PLSCR2: variants seen among roughly 807,000 people sequenced by gnomAD.
PLSCR2 encodes the protein PL scramblase 2.
PLSCR2 carries 18 observed loss-of-function variants against 25.3 expected under a neutral mutation model. The ratio of observed to expected loss-of-function variants is 0.71; its 90% CI spans 0.49 to 1.06. The LOEUF (loss-of-function observed/expected upper bound fraction) is 1.06, where lower values mean the gene tolerates loss of function less well. Among genes scored for constraint, PLSCR2 ranks in the 50% least tolerant of loss-of-function variants. The pLI is 0.00. For missense variants in PLSCR2, 243 were observed against 269.5 expected, an observed-to-expected ratio of 0.90 and a Z score of 0.69; for synonymous variants, 88 against 87.3, an observed-to-expected ratio of 1.01 and a Z score of -0.04.
intron 1 of PLSCR2, among the ~76,000 whole-genome samples, chr3:146,471,153 T>A (rs1655997111): frequency 6.6e-6 from 1 of 152,200 alleles, no homozygotes; most frequent in South Asian, 2.1e-4. Context: ...CAGAACTGTG[T>A]CATTGATCTA....
intron 2 of PLSCR2, among the ~76,000 whole-genome samples, chr3:146,413,337 C>T (rs1476472490): frequency 6.6e-6 from 1 of 152,160 alleles, no homozygotes; most frequent in East Asian, 1.9e-4. Context: ...TTCTCCTAAA[C>T]ATACCTTTTT....
chr3:146,409,394 G>A (rs542212484), intron 2 of PLSCR2, among the ~76,000 whole-genome samples: 2 of 152,270 alleles, frequency 1.3e-5, no homozygotes, highest in South Asian at 2.1e-4. Context: ...GAGCGAGCCG[G>A]CTGAGGGTAG....
At chr3:146,470,657 C>T (rs1033367300) in intron 1 of PLSCR2, among the ~76,000 whole-genome samples, 7 of 151,844 alleles carry the variant, frequency 4.6e-5, no homozygotes, top group Non-Finnish European at 7.4e-5. Context: ...ACCCTGCTAA[C>T]CAAGGTTGAC....
At chr3:146,392,232 G>A (rs1166408728) in intron 3 of PLSCR2, among the ~76,000 whole-genome samples, 1 of 151,948 alleles carries the variant, frequency 6.6e-6, no homozygotes, top group Non-Finnish European at 1.5e-5. Context: ...TTATTTGTCT[G>A]CATCTGAAAG....
chr3:146,483,625 G>T (rs1392563627), intron 1 of PLSCR2, among the ~76,000 whole-genome samples: 1 of 150,700 alleles, frequency 6.6e-6, no homozygotes, highest in African/African-American at 2.5e-5. Flanking sequence ...ATGTATCTAA[G>T]TGAGGGAGGA....
At chr3:146,487,033 T>C (rs965885740) in intron 1 of PLSCR2, among the ~76,000 whole-genome samples, 2 of 152,138 alleles carry the variant, frequency 1.3e-5, no homozygotes, top group Non-Finnish European at 2.9e-5. Flanking sequence ...ATAAACATAA[T>C]TCATCACATA....
At chr3:146,468,306 C>T (rs375437266) in intron 1 of PLSCR2, among the ~76,000 whole-genome samples, 19 of 152,302 alleles carry the variant, frequency 1.2e-4, no homozygotes, top group African/African-American at 4.6e-4. Context: ...GAAAGGTTTG[C>T]TCTTAGGAAA....
At chr3:146,460,159 T>C (rs1471517635) in intron 1 of PLSCR2, 76 bp from the exon 2 acceptor site, 1 of 1,379,960 alleles carries the variant, frequency 7.2e-7, no homozygotes, top group Non-Finnish European at 9.6e-7. Context: ...ACCCCAGTTA[T>C]CTACAAACTG....
intron 2 of PLSCR2, among the ~76,000 whole-genome samples, chr3:146,416,258 G>T (rs116471112): frequency 0.041 from 6,232 of 152,022 alleles, 176 homozygotes; most frequent in Admixed American, 0.087. Flanking sequence ...CCAAAAGTAG[G>T]CATTTGTTTT....
upstream of PLSCR2, chr3:146,461,853 G>T: frequency 9.0e-7 from 1 of 1,106,338 alleles, no homozygotes; most frequent in Non-Finnish European, 1.3e-6. Flanking sequence ...TTAAGCAGAA[G>T]AGTGAGTTCC....
intron 2 of PLSCR2, among the ~76,000 whole-genome samples, chr3:146,422,646 T>C (rs1016609383): frequency 6.6e-6 from 1 of 152,124 alleles, no homozygotes; most frequent in African/African-American, 2.4e-5. Flanking sequence ...TGGTTCTGAC[T>C]TGAGCCAACA....
downstream of PLSCR2, among the ~76,000 whole-genome samples, chr3:146,432,999 T>G (rs923976750): frequency 2.6e-5 from 4 of 152,216 alleles, no homozygotes; most frequent in African/African-American, 9.6e-5. Flanking sequence ...TTATTGTGCA[T>G]GAATTGAAAT....
intron 1 of PLSCR2, among the ~76,000 whole-genome samples, chr3:146,469,860 C>T (rs544159703): frequency 6.8e-6 from 1 of 146,982 alleles, no homozygotes; most frequent in East Asian, 2.2e-4. Context: ...CCCTTTTTTG[C>T]TCTTTGGAGA....
chr3:146,473,123 T>C (rs566961085), intron 1 of PLSCR2, among the ~76,000 whole-genome samples: 8 of 152,330 alleles, frequency 5.3e-5, no homozygotes, highest in Middle Eastern at 3.4e-3. Context: ...TGTGACTTCC[T>C]GTGTCTTGCA....
intron 3 of PLSCR2, among the ~76,000 whole-genome samples, chr3:146,391,838 T>C (rs1576543626): frequency 1.3e-5 from 2 of 152,246 alleles, no homozygotes; most frequent in East Asian, 3.9e-4. Context: ...ATTTTACTTA[T>C]GTATGTTTTT....
intron 6 of PLSCR2, among the ~76,000 whole-genome samples, chr3:146,444,027 T>A (rs1368731072): frequency 1.3e-5 from 2 of 151,996 alleles, no homozygotes; most frequent in Non-Finnish European, 2.9e-5. Context: ...CCACTGGTAA[T>A]TTAGGAGCAT....
At chr3:146,460,163 C>G (rs373935213) in intron 1 of PLSCR2, 80 bp from the exon 2 acceptor site, 2 of 1,383,738 alleles carry the variant, frequency 1.4e-6, no homozygotes, top group African/African-American at 1.5e-5. Context: ...CAGTTATCTA[C>G]AAACTGACCT....
At position 146,404,786 on chromosome 3, in the gene PLSCR2, C is replaced by T. The variant is rs563983482; in HGVS notation, c.101-8865G>A. Among the ~76,000 whole-genome samples, 31 of 144,548 alleles carry T rather than the reference C, an allele frequency of 2.1e-4. No homozygotes were observed. The South Asian group carries it at 6.5e-3, about 30-fold the overall frequency. 94.8% of individuals were successfully genotyped at this position (144,548 alleles called of 152,430 possible). ...TGGAATAGGCATAGGACAAACATTTCCCTTTCAAAAGGAAGAAATAGGCAA... is the reference window on the plus strand; with the variant it reads ...TGGAATAGGCATAGGACAAACATTTTCCTTTCAAAAGGAAGAAATAGGCAA... On this transcript the variant is annotated intron_variant and NMD_transcript_variant, in intron 2 of 3. Coordinates refer to the PLSCR2 transcript ENST00000463633.
intron 2 of PLSCR2, among the ~76,000 whole-genome samples, chr3:146,399,603 A>C (rs563186788): frequency 6.6e-6 from 1 of 151,866 alleles, no homozygotes; most frequent in South Asian, 2.1e-4. Flanking sequence ...ATTTGAGAGA[A>C]ATTGTTTCTC....
Sources: allele counts gnomAD v4.1 joint callset (sites outside exome capture counted in the v4.1 genomes callset), GRCh38; gene constraint gnomAD v4.1.1; transcripts MANE v1.5; gene names NCBI Gene and HGNC (gene_info 2026-07-23, HGNC 2026-07-21).